Variants in MYL9 observed in about 807,000 individuals in gnomAD.
MYL9 encodes the protein myosin regulatory light polypeptide 9.
Under a neutral mutation model 12.8 loss-of-function variants are expected in MYL9, and 7 were observed. The ratio of observed to expected loss-of-function variants is 0.55; its 90% CI spans 0.31 to 1.03. The LOEUF is 1.03. Among genes scored for constraint, MYL9 ranks in the 50% least tolerant of loss-of-function variants. The pLI is 0.05. For missense variants in MYL9, 190 were observed against 242.7 expected (o/e 0.78, Z 1.44); for synonymous variants, 81 against 87.8 (o/e 0.92, Z 0.43).
intron 1 of MYL9, among the ~76,000 whole-genome samples, chr20:36,542,062 G>A (rs2038043491): frequency 6.6e-6 from 1 of 152,160 alleles, no homozygotes; most frequent in Non-Finnish European, 1.5e-5. Flanking sequence ...TGGGCCAGGG[G>A]AAAGGGACCG....
At position 36,549,366 on chromosome 20, in the gene MYL9, G is replaced by A. The variant is rs1008426616; in HGVS notation, c.*117G>A. The A allele has an allele frequency of 2.1e-6, 2 of 939,214 alleles. No individual in the cohort carries two copies. Among genetic ancestry groups the A allele is most frequent in the African/African-American group, 3.3e-5 (2 of 60,272 alleles). The allele number at this position is 939,214 out of a possible 1,614,324, so 58.2% of individuals were successfully genotyped here. ...CAGGGATCCCCCTTTGAGGGGTTAG[G>A]GTCCCAGTTCCCAGTGGAAGAAACA... On this transcript the variant is annotated 3_prime_UTR_variant, in exon 4 of 4. Transcript: ENST00000279022.
At chr20:36,545,272 C>T (rs183849608) in intron 2 of MYL9, among the ~76,000 whole-genome samples, 5 of 151,944 alleles carry the variant, frequency 3.3e-5, no homozygotes, top group Non-Finnish European at 4.4e-5. Flanking sequence ...CCAAGGCGGG[C>T]GGATCAATAG....
At chr20:36,543,618 A>C (rs1040813443) in intron 1 of MYL9, among the ~76,000 whole-genome samples, 1 of 152,246 alleles carries the variant, frequency 6.6e-6, no homozygotes, top group Non-Finnish European at 1.5e-5. Context: ...CCATCTGTAC[A>C]GTAGAAGCAG....
intron 1 of MYL9, among the ~76,000 whole-genome samples, chr20:36,544,030 G>C (rs1043601039): frequency 2.0e-5 from 3 of 152,156 alleles, no homozygotes; most frequent in Non-Finnish European, 1.5e-5. Flanking sequence ...GAACCTTCAA[G>C]GGCTTCACAA....
rs773592214 is a variant in MYL9 at position 36,548,048 on chromosome 20, C to T, written c.201C>T (p.Asp67=). The T allele has an allele frequency of 8.7e-6, 14 of 1,611,042 alleles. No homozygotes were observed. In the African/African-American group the frequency reaches 1.1e-4, roughly 12 times the overall value. The change falls in exon 3 of 4, where the codon GAC becomes GAT. Residue 67 remains aspartate, a synonymous_variant. Transcript: ENST00000279022. ...CTGCCACAGGGAAGAACCCCACAGA[C>T]GAATACCTGGAGGGCATGATGAGCG... ...MLASLGKNPT[D]EYLEGMMSEA...
rs141702476 is a variant in MYL9, at chr20:36,545,899, G to A, written c.184+831G>A. Among the ~76,000 whole-genome samples the A allele has an allele frequency of 9.7e-4, 147 of 152,128 alleles. 1 individual carries two copies. Among genetic ancestry groups the A allele is most frequent in the African/African-American group, 2.4e-3 (101 of 41,514 alleles). Reference sequence around the variant, plus strand: ...CACGCCACTGCACTCCAGCCTGGGCGACAGAGCAAGACTCCGTCTCAAAAC... The same window carrying A: ...CACGCCACTGCACTCCAGCCTGGGCAACAGAGCAAGACTCCGTCTCAAAAC... On this transcript the variant is annotated intron_variant, in intron 2 of 3. Transcript: ENST00000279022.
intron 1 of MYL9, among the ~76,000 whole-genome samples, chr20:36,542,630 C>T (rs985416914): frequency 1.3e-5 from 2 of 152,200 alleles, no homozygotes; most frequent in African/African-American, 4.8e-5. Flanking sequence ...GTTCAAGCCT[C>T]GAGGGCACCA....
rs780192239 is a variant in MYL9, at chr20:36,547,186, C to T, written c.185-846C>T. Among the ~76,000 whole-genome samples the T allele has an allele frequency of 2.0e-5, 3 of 152,268 alleles. No individual in the cohort carries two copies. The East Asian group carries it at 5.8e-4, about 29-fold the overall frequency. On this transcript the variant is annotated intron_variant, in intron 2 of 3. Coordinates refer to ENST00000279022, the MANE Select transcript of MYL9 (RefSeq NM_006097.5). ...ATGCACTGTGTTTGTAGCTCATATC[C>T]GTGGGTCTGCAGGTGAGTCACACCC...
chr20:36,542,795 A>G (rs906778679), intron 1 of MYL9, among the ~76,000 whole-genome samples: 1 of 152,080 alleles, frequency 6.6e-6, no homozygotes, highest in Non-Finnish European at 1.5e-5. Flanking sequence ...ACCACTTCCC[A>G]CAATTGCTGG....
chr20:36,544,877 A>C lies in MYL9; in HGVS notation c.-8A>C. The C allele has an allele frequency of 1.9e-6, 3 of 1,611,296 alleles. No individual in the cohort carries two copies. Among genetic ancestry groups the C allele is most frequent in the Non-Finnish European group, 2.5e-6 (3 of 1,178,606 alleles). ...CCTGCAGGGAAGCCCCACCCACCAG[A>C]AGCCAAGATGTCCAGCAAGCGGGCC... On this transcript the variant is annotated 5_prime_UTR_variant, in exon 2 of 4. Coordinates refer to ENST00000279022, the MANE Select transcript of MYL9 (RefSeq NM_006097.5).
intron 1 of MYL9, among the ~76,000 whole-genome samples, chr20:36,543,548 T>C (rs2038061040): frequency 6.6e-6 from 1 of 152,168 alleles, no homozygotes; most frequent in Non-Finnish European, 1.5e-5. Flanking sequence ...TTCAGGCGCA[T>C]ATCCCCACAA....
Position 36,544,985 on chromosome 20 carries a change from T to TTAA in MYL9, c.102_104dup (p.Phe34_Lys35insAsn), listed in dbSNP as rs1399276513. 5 of 1,613,492 alleles carry TTAA rather than the reference T, an allele frequency of 3.1e-6. No homozygotes were observed. The highest frequency in any genetic ancestry group is 3.4e-6 in the Non-Finnish European group (4 of 1,179,996). The stretch of plus-strand genomic sequence containing the variant: ...TTTGACCAGTCCCAGATCCAGGAGT[T>TTAA]TAAGGAGGCTTTCAACATGATTGAC... On this transcript the variant is annotated inframe_insertion, in exon 2 of 4. Coordinates refer to ENST00000279022, the MANE Select transcript of MYL9 (RefSeq NM_006097.5).
chr20:36,542,878 C>T (rs549934617), intron 1 of MYL9, among the ~76,000 whole-genome samples: 24 of 152,274 alleles, frequency 1.6e-4, no homozygotes, highest in African/African-American at 4.6e-4. Flanking sequence ...GAGTGCAGAC[C>T]GGGTGGCCAT....
intron 1 of MYL9, among the ~76,000 whole-genome samples, chr20:36,542,475 G>A (rs1317230986): frequency 3.9e-5 from 6 of 152,140 alleles, no homozygotes; most frequent in African/African-American, 1.4e-4. Context: ...GCACCTGAAG[G>A]GGGAAGCGAT....
intron 2 of MYL9, among the ~76,000 whole-genome samples, chr20:36,546,265 T>C (rs1321208081): frequency 1.3e-5 from 2 of 152,158 alleles, no homozygotes; most frequent in Admixed American, 6.5e-5. Flanking sequence ...CTCAGCCCAG[T>C]TCCCGCGTAC....
Position 36,549,066 on chromosome 20 carries a change from C to T in MYL9, c.347-11C>T, listed in dbSNP as rs780539624. 16 of 1,610,778 alleles carry T rather than the reference C, an allele frequency of 9.9e-6. No individual in the cohort carries two copies. Among genetic ancestry groups the T allele is most frequent in the Non-Finnish European group, 1.3e-5 (15 of 1,178,906 alleles). On this transcript the variant is annotated splice_polypyrimidine_tract_variant and intron_variant, in intron 3 of 3. Coordinates refer to ENST00000279022, the MANE Select transcript of MYL9 (RefSeq NM_006097.5). ...AGTTCCTGCTCTCACCCACCCTGCC[C>T]CTGCCCGCAGGTTTCATCCATGAGG...
chr20:36,549,571 A>G lies in MYL9; in HGVS notation c.*322A>G, dbSNP rs1215017612. 2 of 257,908 alleles carry G rather than the reference A, an allele frequency of 7.8e-6. No homozygotes were observed. Among genetic ancestry groups the G allele is most frequent in the East Asian group, 1.6e-4 (2 of 12,412 alleles). The allele number at this position is 257,908 out of a possible 1,614,324, so 16.0% of individuals were successfully genotyped here. On this transcript the variant is annotated 3_prime_UTR_variant, in exon 4 of 4. Coordinates refer to ENST00000279022, the MANE Select transcript of MYL9 (RefSeq NM_006097.5). ...GGGGCTGTTCCCCGAGGAGGAAGGG[A>G]AGGGGCTCTGTGTGCCCCCCAGGAG...
intron 2 of MYL9, 80 bp from the exon 3 acceptor site, chr20:36,547,952 G>A (rs893914054): frequency 4.1e-6 from 6 of 1,463,550 alleles, no homozygotes; most frequent in Non-Finnish European, 5.5e-6. Context: ...AAGGGCAGGG[G>A]TGGGGGACGG....
In MYL9 at chr20:36,549,132, C is replaced by T; in HGVS notation, c.402C>T (p.Phe134=). The change falls in exon 4 of 4, where the codon TTC becomes TTT. Residue 134 remains phenylalanine, a synonymous_variant. Transcript: ENST00000279022. ...RELLTTMGDR[F]TDEEVDEMYR... Reference sequence around the variant, plus strand: ...TGCTCACCACCATGGGTGACCGCTTCACAGATGAGGAAGTGGACGAGATGT... The same window carrying T: ...TGCTCACCACCATGGGTGACCGCTTTACAGATGAGGAAGTGGACGAGATGT... 5 of 1,613,780 alleles carry T rather than the reference C, an allele frequency of 3.1e-6. No homozygotes were observed. The highest frequency in any genetic ancestry group is 4.2e-6 in the Non-Finnish European group (5 of 1,179,990).
Sources: gnomAD v4.1 joint callset for allele counts (sites outside exome capture counted in the v4.1 genomes callset) on GRCh38, gnomAD v4.1.1 for gene constraint, MANE v1.5 for transcripts, NCBI Gene and HGNC (gene_info 2026-07-23, HGNC 2026-07-21) for gene names.